The following ZNF385D variants were observed in gnomAD, a reference collection of about 807,000 sequenced individuals.
ZNF385D encodes the protein zinc finger protein 385D.
A neutral mutation model predicts 35.8 loss-of-function variants in ZNF385D; 15 were observed. The ratio of observed to expected loss-of-function variants is 0.42; its 90% confidence interval spans 0.28 to 0.64. ZNF385D has a LOEUF of 0.64. ZNF385D is among the 30% of genes least tolerant of loss of function. The probability of loss-of-function intolerance (pLI) is 0.23; values close to 1 mark genes in which losing one functional copy is unlikely to be tolerated. For missense variants in ZNF385D, 474 were observed against 494.6 expected (o/e 0.96, Z 0.39); for synonymous variants, 212 against 186.8 (o/e 1.13, Z -1.10).
intron 3 of ZNF385D, among the ~76,000 whole-genome samples, chr3:22,166,861 G>A (rs192488385): frequency 6.6e-5 from 10 of 152,284 alleles, no homozygotes; most frequent in East Asian, 1.9e-4. Flanking sequence ...GAAGTATAAC[G>A]CCAAAGCTTA....
At chr3:21,427,624 G>T (rs889114985) in intron 5 of ZNF385D, among the ~76,000 whole-genome samples, 1 of 152,122 alleles carries the variant, frequency 6.6e-6, no homozygotes, top group Non-Finnish European at 1.5e-5. Context: ...CAGTAGTAGG[G>T]CTTAGCAATA....
chr3:22,088,060 G>C (rs1194407400), intron 3 of ZNF385D, among the ~76,000 whole-genome samples: 2 of 152,146 alleles, frequency 1.3e-5, no homozygotes, highest in East Asian at 3.9e-4. Context: ...TATTGAAGGA[G>C]AGCTTTGTCT....
At chr3:21,919,585 G>C (rs1435658810) in intron 3 of ZNF385D, among the ~76,000 whole-genome samples, 1 of 152,214 alleles carries the variant, frequency 6.6e-6, no homozygotes, top group East Asian at 1.9e-4. Context: ...TCCACTTCAA[G>C]AGAGCATGAT....
Position 21,818,177 on chromosome 3 carries a change from G to T in ZNF385D, c.326-153149C>A, listed in dbSNP as rs186661067. Among the ~76,000 whole-genome samples the T allele has an allele frequency of 3.3e-3, 502 of 151,342 alleles. 5 individuals carry two copies. The highest frequency in any genetic ancestry group is 0.011 in the African/African-American group (452 of 41,260). ...GGAACACCACACACGGGGGCCTGTC[G>T]TGATGGGGGTGGGGATGGGGGAGGG... On this transcript the variant is annotated intron_variant, in intron 3 of 5. Transcript: ENST00000494108.
At chr3:22,008,150 G>T (rs1696333931) in intron 3 of ZNF385D, among the ~76,000 whole-genome samples, 1 of 151,956 alleles carries the variant, frequency 6.6e-6, no homozygotes, top group Admixed American at 6.6e-5. Flanking sequence ...ATTTAGATGG[G>T]TGTTGGAACC....
chr3:21,778,398 G>C (rs568539809), intron 3 of ZNF385D, among the ~76,000 whole-genome samples: 6 of 152,004 alleles, frequency 3.9e-5, no homozygotes, highest in Middle Eastern at 3.4e-3. Context: ...AAGAGCCTGA[G>C]CGAAAGGTGG....
intron 1 of ZNF385D, among the ~76,000 whole-genome samples, chr3:21,683,530 T>C (rs1178694477): frequency 2.0e-5 from 3 of 149,200 alleles, no homozygotes; most frequent in South Asian, 2.2e-4. Context: ...GGGAAGAGAA[T>C]TGCTTGAACC....
At chr3:21,667,921 G>T (rs952908765) in intron 1 of ZNF385D, among the ~76,000 whole-genome samples, 1 of 151,936 alleles carries the variant, frequency 6.6e-6, no homozygotes, top group African/African-American at 2.4e-5. Flanking sequence ...CTTCCTAGGG[G>T]TTAAAAAAAC....
rs188964189 is a variant in ZNF385D at position 22,031,061 on chromosome 3, G to A, written c.325+137756C>T. On this transcript the variant is annotated intron_variant, in intron 3 of 5. Transcript: ENST00000494108. ...TATCCAGGACATCCTGATACAAGGG[G>A]TGGGCTCTCAATGCTTTAGCAGCTC... Among the ~76,000 whole-genome samples the A allele has an allele frequency of 2.8e-3, 434 of 152,334 alleles. 1 individual carries two copies. Among genetic ancestry groups the A allele is most frequent in the African/African-American group, 1.0e-2 (415 of 41,592 alleles).
chr3:21,834,733 C>T (rs547824280), intron 3 of ZNF385D, among the ~76,000 whole-genome samples: 1 of 151,260 alleles, frequency 6.6e-6, no homozygotes, highest in Admixed American at 6.6e-5. Context: ...GGACTGTAAT[C>T]CCCACGTGTC....
chr3:21,693,796 A>G (rs2067363529), intron 1 of ZNF385D, among the ~76,000 whole-genome samples: 1 of 152,000 alleles, frequency 6.6e-6, no homozygotes, highest in Admixed American at 6.6e-5. Context: ...ATGATGTATC[A>G]TTTAGCCAGA....
At chr3:22,348,485 T>TAA (rs1168729541) in intron 2 of ZNF385D, among the ~76,000 whole-genome samples, 19,942 of 84,454 alleles carry the variant, frequency 0.24, 2,502 homozygotes, top group Non-Finnish European at 0.26. Flanking sequence ...CCATCTCTAC[T>TAA]AAAAAAAAAA....
At chr3:21,468,526 A>G (rs1404155286) in intron 4 of ZNF385D, among the ~76,000 whole-genome samples, 3 of 152,160 alleles carry the variant, frequency 2.0e-5, no homozygotes, top group African/African-American at 7.2e-5. Flanking sequence ...GTATATTCAT[A>G]AAAGGGAATA....
intron 3 of ZNF385D, among the ~76,000 whole-genome samples, chr3:22,013,592 G>A (rs906329952): frequency 6.6e-6 from 1 of 152,112 alleles, no homozygotes; most frequent in Admixed American, 6.6e-5. Flanking sequence ...CAGGCAGCAG[G>A]ATTAGAAATC....
chr3:21,483,690 T>C (rs1559335821), intron 4 of ZNF385D, among the ~76,000 whole-genome samples: 1 of 152,216 alleles, frequency 6.6e-6, no homozygotes, highest in Non-Finnish European at 1.5e-5. Context: ...TATCTTTTTA[T>C]GTGCTTTTCA....
intron 3 of ZNF385D, among the ~76,000 whole-genome samples, chr3:21,943,340 C>T (rs763618101): frequency 5.3e-5 from 8 of 150,312 alleles, no homozygotes; most frequent in East Asian, 2.0e-4. Flanking sequence ...ATATATATAG[C>T]GAGTGAGAAA....
At chr3:22,022,520 T>C (rs259436) in intron 3 of ZNF385D, among the ~76,000 whole-genome samples, 21,488 of 152,086 alleles carry the variant, frequency 0.14, 1,647 homozygotes, top group East Asian at 0.19. Context: ...TTTGTACTTA[T>C]AGCAAATATA....
intron 2 of ZNF385D, among the ~76,000 whole-genome samples, chr3:22,325,979 G>T (rs1033104674): frequency 6.6e-5 from 10 of 152,080 alleles, no homozygotes; most frequent in Admixed American, 5.2e-4. Flanking sequence ...CTCATAGCAG[G>T]TGCACCATCT....
chr3:21,995,005 G>A (rs983972406), intron 3 of ZNF385D, among the ~76,000 whole-genome samples: 2 of 152,238 alleles, frequency 1.3e-5, no homozygotes, highest in Non-Finnish European at 2.9e-5. Context: ...GTCCAGGTAG[G>A]CCAATCCTCT....
Sources: gnomAD v4.1 joint callset for allele counts (sites outside exome capture counted in the v4.1 genomes callset) on GRCh38, gnomAD v4.1.1 for gene constraint, MANE v1.5 for transcripts, NCBI Gene and HGNC (gene_info 2026-07-23, HGNC 2026-07-21) for gene names.